ELMO2: variants seen among roughly 807,000 people sequenced by gnomAD.
ELMO2 encodes the protein engulfment and cell motility 2.
In ELMO2, 37 loss-of-function variants were observed where a neutral mutation model predicts 96.2. That is an observed-to-expected ratio of 0.38 (90% confidence interval 0.30 to 0.51). The LOEUF is 0.51. ELMO2 is among the 20% of genes least tolerant of loss of function. The pLI, the probability that ELMO2 is intolerant of heterozygous loss-of-function variation, is 0.88. For missense variants in ELMO2, 561 were observed against 912.6 expected, an observed-to-expected ratio of 0.61 and a Z score of 4.96; for synonymous variants, 315 against 329.4, an observed-to-expected ratio of 0.96 and a Z score of 0.47.
At chr20:46,373,087 T>C in intron 16 of ELMO2, 1 of 299,634 alleles carries the variant, frequency 3.3e-6, no homozygotes, top group Non-Finnish European at 6.4e-6. Flanking sequence ...ACCTGCACAG[T>C]AAGCACTCAA....
At chr20:46,396,530 C>T (rs556095989) in intron 2 of ELMO2, among the ~76,000 whole-genome samples, 3 of 152,300 alleles carry the variant, frequency 2.0e-5, no homozygotes, top group Non-Finnish European at 2.9e-5. Flanking sequence ...TTCCTCTTCC[C>T]GTCAATCCTT....
chr20:46,388,604 T>C (rs2060091713), intron 7 of ELMO2, among the ~76,000 whole-genome samples: 1 of 152,106 alleles, frequency 6.6e-6, no homozygotes. Context: ...TGTGTGTGTG[T>C]GTGTGTGTGT....
At chr20:46,386,515 T>C (rs1008004748) in intron 8 of ELMO2, among the ~76,000 whole-genome samples, 2 of 152,164 alleles carry the variant, frequency 1.3e-5, no homozygotes, top group Non-Finnish European at 2.9e-5. Context: ...ATCTAAAAGC[T>C]TAATTCTTTT....
chr20:46,382,157 TC>T, intron 10 of ELMO2: 1 of 1,282,820 alleles, frequency 7.8e-7, no homozygotes, highest in Non-Finnish European at 1.0e-6. Flanking sequence ...AGCTTTGACT[TC>T]CCCACCTGCA....
intron 15 of ELMO2, among the ~76,000 whole-genome samples, chr20:46,373,768 T>C (rs2059785595): frequency 6.6e-6 from 1 of 152,154 alleles, no homozygotes; most frequent in Non-Finnish European, 1.5e-5. Context: ...CCCACAGGCA[T>C]GGGGTAGCTT....
chr20:46,375,537 A>G lies in ELMO2; in HGVS notation c.930+131T>C, dbSNP rs2059843378. ...GAAATGGGCTTGGCTCATGGTGCAG[A>G]TCATGCTAGATTTTCTAGGGCAGAT... On this transcript the variant is annotated intron_variant, in intron 12 of 21. Coordinates refer to ENST00000290246, the MANE Select transcript of ELMO2 (RefSeq NM_133171.5). The surrounding 1 kb of genome is among the most constrained non-coding windows in gnomAD (Gnocchi z 4.6). 4.6e-6 allele frequency: 7 copies of G among 1,507,214 alleles called. No homozygotes were observed. In the South Asian group the frequency reaches 8.8e-5, roughly 19 times the overall value. 93.4% of individuals were successfully genotyped at this position (1,507,214 alleles called of 1,614,324 possible). A position where few individuals can be genotyped will look rare whatever the true frequency, so the allele number is the denominator to read the frequency against.
intron 1 of ELMO2, among the ~76,000 whole-genome samples, chr20:46,404,510 T>A (rs986058647): frequency 6.6e-6 from 1 of 152,152 alleles, no homozygotes; most frequent in African/African-American, 2.4e-5. Context: ...ACTCTAGAAT[T>A]ATCCCCGGCA....
In ELMO2 at chr20:46,373,577, C is replaced by T. The variant is rs1488901766; in HGVS notation, c.1280-42G>A. On this transcript the variant is annotated intron_variant, in intron 15 of 21. Transcript: ENST00000290246. Reference sequence around the variant, plus strand: ...ACAGGGAGAAGATGAAGCCTCTGTCCACAAGGGCCTGGGAGCTCATGTCTG... The same window carrying T: ...ACAGGGAGAAGATGAAGCCTCTGTCTACAAGGGCCTGGGAGCTCATGTCTG... 1.9e-6 allele frequency: 3 copies of T among 1,607,664 alleles called. No individual in the cohort carries two copies. The Admixed American group carries it at 5.0e-5, about 27-fold the overall frequency.
rs767959037 is a variant in ELMO2 at position 46,367,441 on chromosome 20, C to T, written c.2082G>A (p.Leu694=). The change falls in exon 22 of 22, where the codon CTG becomes CTA. Residue 694 remains leucine (L), a synonymous_variant. Transcript: ENST00000290246. ...SMEMKLRLLD[L]ENIQIPEAPP... is the part of the protein sequence containing the mutation. ...GGGCTTCGGGAATCTGGATGTTCTC[C>T]AGGTCCAGGAGCCGCAGCTTCATCT... 2 of 1,613,270 alleles carry T rather than the reference C, an allele frequency of 1.2e-6. No individual in the cohort carries two copies. The highest frequency in any genetic ancestry group is 2.2e-5 in the South Asian group (2 of 90,914).
At chr20:46,383,352 G>A in intron 10 of ELMO2, 64 bp downstream of exon 10, 1 of 1,467,122 alleles carries the variant, frequency 6.8e-7, no homozygotes, top group Non-Finnish European at 9.6e-7. Context: ...ATAGCAAAGA[G>A]TGCATGGGGT....
chr20:46,370,349 G>T, intron 20 of ELMO2, 94 bp downstream of exon 20: 1 of 1,071,474 alleles, frequency 9.3e-7, no homozygotes, highest in Non-Finnish European at 1.5e-6. Flanking sequence ...AATAGAGAGG[G>T]GAAGATGCCA....
At chr20:46,388,871 A>C (rs2060097189) in intron 7 of ELMO2, among the ~76,000 whole-genome samples, 168 bp downstream of exon 7, 1 of 152,206 alleles carries the variant, frequency 6.6e-6, no homozygotes, top group African/African-American at 2.4e-5. Flanking sequence ...TAGAATCACA[A>C]TATGGAATTA....
intron 21 of ELMO2, among the ~76,000 whole-genome samples, chr20:46,368,317 G>C (rs545973142): frequency 2.4e-4 from 37 of 152,086 alleles, no homozygotes; most frequent in African/African-American, 7.5e-4. Flanking sequence ...TTAATATCTA[G>C]TATCTTCCAG....
chr20:46,397,150 G>A (rs1244467035), intron 2 of ELMO2, among the ~76,000 whole-genome samples: 2 of 151,962 alleles, frequency 1.3e-5, no homozygotes, highest in Admixed American at 6.6e-5. Context: ...AATGATTCTC[G>A]GCTGTTCAAA....
At chr20:46,383,369 T>C in intron 10 of ELMO2, 47 bp downstream of exon 10, 3 of 1,554,400 alleles carry the variant, frequency 1.9e-6, no homozygotes, top group Non-Finnish European at 2.7e-6. Flanking sequence ...GGGTGAGAAT[T>C]ATCTCAGAAG....
chr20:46,388,129 C>T (rs886267326), intron 7 of ELMO2, among the ~76,000 whole-genome samples: 1 of 152,202 alleles, frequency 6.6e-6, no homozygotes, highest in African/African-American at 2.4e-5. Context: ...CAGACACATT[C>T]TCATTAACAA....
chr20:46,393,977 T>C (rs2060202167), intron 4 of ELMO2, 72 bp downstream of exon 4: 1 of 1,605,050 alleles, frequency 6.2e-7, no homozygotes, highest in East Asian at 2.2e-5. Flanking sequence ...TTCCCAGAAC[T>C]CCCCTCAAGG....
chr20:46,381,393 G>A (rs1413598275), intron 10 of ELMO2, among the ~76,000 whole-genome samples: 1 of 152,166 alleles, frequency 6.6e-6, no homozygotes, highest in African/African-American at 2.4e-5. Flanking sequence ...CTCTCCTATG[G>A]AGTAGTATCT....
In ELMO2 at chr20:46,371,815, G is replaced by A. The variant is rs745607349; in HGVS notation, c.1571C>T (p.Pro524Leu). The change falls in exon 17 of 22, where the codon CCG becomes CTG. Residue 524 changes from proline (P) to leucine (L), a missense_variant. Coordinates refer to ENST00000290246, the MANE Select transcript of ELMO2 (RefSeq NM_133171.5). This position sits in a 1 kb window ranked among gnomAD's most constrained non-coding sequence, Gnocchi z 5.9. ...CTGAGATGGAACTTACACAATTGGCGGGGACTGGAAGTCATCCTGACTCAT... is the reference window on the plus strand; with the variant it reads ...CTGAGATGGAACTTACACAATTGGCAGGGACTGGAAGTCATCCTGACTCAT... ...ERMSQDDFQS[P>L]PIVELREKIQ... is the part of the protein sequence containing the mutation. 7.4e-6 allele frequency: 12 copies of A among 1,614,020 alleles called. No individual in the cohort carries two copies. The highest frequency in any genetic ancestry group is 2.7e-5 in the African/African-American group (2 of 74,920).
Sources: gnomAD v4.1 joint callset for allele counts (sites outside exome capture counted in the v4.1 genomes callset) on GRCh38, gnomAD v4.1.1 for gene constraint, Gnocchi (gnomAD v3.1) non-coding constraint, MANE v1.5 for transcripts, NCBI Gene and HGNC (gene_info 2026-07-23, HGNC 2026-07-21) for gene names.